The following PRSS55 variants were observed in gnomAD, a reference collection of about 807,000 sequenced individuals.
PRSS55 encodes serine protease 55.
In PRSS55, 41 loss-of-function variants were observed where a neutral mutation model predicts 23.6. The ratio of observed to expected loss-of-function variants is 1.74; its 90% CI spans 1.35 to 2.26. The LOEUF is 2.26. PRSS55 is among the 30% of genes most tolerant of loss of function. The pLI is 0.00. For missense variants in PRSS55, 669 were observed against 439.1 expected, an observed-to-expected ratio of 1.52 and a Z score of -4.68; for synonymous variants, 262 against 175.5, an observed-to-expected ratio of 1.49 and a Z score of -3.90.
chr8:10,536,455 G>A (rs989690520), intron 4 of PRSS55, among the ~76,000 whole-genome samples: 4 of 152,128 alleles, frequency 2.6e-5, no homozygotes, highest in African/African-American at 7.2e-5. Flanking sequence ...AAAGCAGTTC[G>A]TAGATTTCTC....
intron 2 of PRSS55, among the ~76,000 whole-genome samples, chr8:10,530,081 C>A (rs1272171992): frequency 6.6e-6 from 1 of 152,258 alleles, no homozygotes; most frequent in African/African-American, 2.4e-5. Context: ...CCCCTACTCT[C>A]CTGCTCCTTG....
chr8:10,547,882 C>T (rs1812857077), intron 4 of PRSS55, among the ~76,000 whole-genome samples: 2 of 152,004 alleles, frequency 1.3e-5, no homozygotes, highest in East Asian at 1.9e-4. Context: ...CCTCAGAAGC[C>T]GACACTCTAG....
intron 1 of PRSS55, 100 bp downstream of exon 1, chr8:10,525,839 C>A (rs76472837): frequency 1.3e-5 from 16 of 1,264,196 alleles, no homozygotes; most frequent in South Asian, 4.6e-5. Context: ...AGCTCCAGGG[C>A]TCCCCACATA....
At chr8:10,529,867 G>C (rs1265034456) in intron 2 of PRSS55, among the ~76,000 whole-genome samples, 168 bp downstream of exon 2, 1 of 152,186 alleles carries the variant, frequency 6.6e-6, no homozygotes, top group African/African-American at 2.4e-5. Flanking sequence ...GGGACGTGGA[G>C]GTAGCCAGCC....
intron 3 of PRSS55, chr8:10,531,861 A>C: frequency 3.0e-6 from 1 of 336,034 alleles, no homozygotes. Context: ...CCTGATTCCC[A>C]CGGGTATGTT....
downstream of PRSS55, among the ~76,000 whole-genome samples, chr8:10,542,274 A>G (rs1812677659): frequency 6.6e-6 from 1 of 152,196 alleles, no homozygotes; most frequent in Admixed American, 6.5e-5. Context: ...CAAAACAGAC[A>G]CACAGAGACA....
intron 4 of PRSS55, among the ~76,000 whole-genome samples, chr8:10,552,876 A>T (rs1372775857): frequency 6.6e-6 from 1 of 152,360 alleles, no homozygotes; most frequent in South Asian, 2.1e-4. Flanking sequence ...CTCAAAAACT[A>T]AAAATAGAAC....
intron 1 of PRSS55, among the ~76,000 whole-genome samples, chr8:10,528,949 C>A (rs1486432031): frequency 6.6e-6 from 1 of 152,210 alleles, no homozygotes; most frequent in African/African-American, 2.4e-5. Flanking sequence ...TCTCCCTCTG[C>A]CTGACTTCCT....
chr8:10,530,626 G>C (rs1433400305), intron 2 of PRSS55, among the ~76,000 whole-genome samples: 2 of 152,064 alleles, frequency 1.3e-5, no homozygotes, highest in African/African-American at 2.4e-5. Flanking sequence ...CTAGTATATA[G>C]AGACAGAATT....
intron 1 of PRSS55, among the ~76,000 whole-genome samples, chr8:10,527,794 G>T (rs1585864420): frequency 6.6e-6 from 1 of 152,188 alleles, no homozygotes; most frequent in East Asian, 1.9e-4. Context: ...GAAAATAAGA[G>T]GGCCTACCTC....
At chr8:10,552,785 T>C (rs1585900298) in intron 4 of PRSS55, among the ~76,000 whole-genome samples, 1 of 152,116 alleles carries the variant, frequency 6.6e-6, no homozygotes, top group African/African-American at 2.4e-5. Context: ...TTGGTGAGGG[T>C]GTGGAGAAAG....
At chr8:10,541,780 A>G (rs1812663815), downstream of PRSS55, among the ~76,000 whole-genome samples, 1 of 151,972 alleles carries the variant, frequency 6.6e-6, no homozygotes, top group South Asian at 2.1e-4. Flanking sequence ...TTTTTTTGAG[A>G]CATGGCCTCA....
chr8:10,532,035 C>T (rs893202947), intron 3 of PRSS55, among the ~76,000 whole-genome samples: 5 of 152,004 alleles, frequency 3.3e-5, no homozygotes, highest in South Asian at 2.1e-4. Context: ...AAAAATATGA[C>T]GAAGGGCCCG....
chr8:10,544,568 T>A (rs1245077938), intron 4 of PRSS55, among the ~76,000 whole-genome samples: 1 of 152,228 alleles, frequency 6.6e-6, no homozygotes, highest in Non-Finnish European at 1.5e-5. Flanking sequence ...TCCTGTATGA[T>A]GCTTTTCCTT....
intron 2 of PRSS55, among the ~76,000 whole-genome samples, chr8:10,530,314 A>C (rs1347805220): frequency 1.3e-5 from 2 of 152,134 alleles, no homozygotes; most frequent in Non-Finnish European, 2.9e-5. Context: ...ATCTATACTA[A>C]AAATACAAAA....
rs780213255 is a variant in PRSS55 at position 10,532,975 on chromosome 8, C to A, written c.668C>A (p.Ser223Ter). 10 of 1,614,170 alleles carry A rather than the reference C, an allele frequency of 6.2e-6. No individual in the cohort carries two copies. The East Asian group carries it at 2.2e-4, about 36-fold the overall frequency. ...GTCATCATGGACTGGGAGGAGTGTT[C>A]AAAGATGTTTCCAAAACTTACCAAA... ...PMVIMDWEEC[S>*]KMFPKLTKNM... The change falls in exon 4 of 5, where the codon TCA becomes TAA. Residue 223 changes from serine (S) to a stop codon, truncating the protein, a stop_gained. Transcript: ENST00000328655. LOFTEE classifies it high-confidence loss of function.
intron 4 of PRSS55, among the ~76,000 whole-genome samples, chr8:10,537,349 A>G (rs1261174738): frequency 6.6e-6 from 1 of 152,260 alleles, no homozygotes; most frequent in Non-Finnish European, 1.5e-5. Flanking sequence ...GGAGGACATT[A>G]CATTAAGTAA....
At chr8:10,530,867 A>G (rs1363186674) in intron 2 of PRSS55, among the ~76,000 whole-genome samples, 1 of 152,138 alleles carries the variant, frequency 6.6e-6, no homozygotes, top group Non-Finnish European at 1.5e-5. Context: ...GGTCTAGACT[A>G]ACTTCTGGTC....
intron 4 of PRSS55, among the ~76,000 whole-genome samples, chr8:10,551,554 G>A (rs1812951065): frequency 6.6e-6 from 1 of 152,210 alleles, no homozygotes; most frequent in Non-Finnish European, 1.5e-5. Flanking sequence ...CAGCTTCCCT[G>A]TGACTGCATG....
Sources: allele counts gnomAD v4.1 joint callset (sites outside exome capture counted in the v4.1 genomes callset), GRCh38; gene constraint gnomAD v4.1.1; transcripts MANE v1.5; gene names NCBI Gene and HGNC (gene_info 2026-07-23, HGNC 2026-07-21).